The following AGBL4 variants were observed in gnomAD, a reference collection of about 807,000 sequenced individuals.
AGBL4 encodes cytosolic carboxypeptidase 6.
Under a neutral mutation model 66.4 loss-of-function variants are expected in AGBL4, and 58 were observed. The ratio of observed to expected loss-of-function variants is 0.87; its 90% CI spans 0.71 to 1.09. The LOEUF is 1.09. Among genes scored for constraint, AGBL4 ranks in the 50% least tolerant of loss-of-function variants. The probability of loss-of-function intolerance (pLI) is 0.00; values close to 1 mark genes in which losing one functional copy is unlikely to be tolerated. For synonymous variants in AGBL4, 234 were observed against 222.9 expected (o/e 1.05, Z -0.44); for missense variants, 579 against 631.0 (o/e 0.92, Z 0.88).
intron 6 of AGBL4, among the ~76,000 whole-genome samples, chr1:48,780,809 T>C (rs999026872): frequency 6.6e-6 from 1 of 152,154 alleles, no homozygotes; most frequent in South Asian, 2.1e-4. Flanking sequence ...ATGTAAGACC[T>C]AAAACCATAA....
intron 4 of AGBL4, among the ~76,000 whole-genome samples, chr1:49,242,681 A>T (rs1361575557): frequency 6.6e-6 from 1 of 151,872 alleles, no homozygotes; most frequent in Non-Finnish European, 1.5e-5. Flanking sequence ...CCTAACCACA[A>T]TCCTTAAGAA....
chr1:49,837,128 G>A (rs1645871865), intron 2 of AGBL4, among the ~76,000 whole-genome samples: 1 of 152,224 alleles, frequency 6.6e-6, no homozygotes, highest in African/African-American at 2.4e-5. Flanking sequence ...AAGCAGGAAC[G>A]TTTGAGTCTG....
At chr1:49,066,049 A>C (rs530579226) in intron 4 of AGBL4, among the ~76,000 whole-genome samples, 1 of 152,210 alleles carries the variant, frequency 6.6e-6, no homozygotes, top group Non-Finnish European at 1.5e-5. Context: ...GTAAGGGGAA[A>C]AAGAAGAGGA....
At chr1:48,963,368 T>G (rs745734470) in intron 5 of AGBL4, among the ~76,000 whole-genome samples, 1 of 152,098 alleles carries the variant, frequency 6.6e-6, no homozygotes, top group Non-Finnish European at 1.5e-5. Flanking sequence ...ATTCAAACTA[T>G]AGCACTCCTT....
intron 5 of AGBL4, among the ~76,000 whole-genome samples, chr1:48,980,366 C>T (rs545663097): frequency 4.9e-4 from 74 of 152,138 alleles, no homozygotes; most frequent in African/African-American, 1.4e-3. Flanking sequence ...GGAAAAATTC[C>T]CAACAGCCTC....
At chr1:49,814,475 C>T (rs1037370589) in intron 2 of AGBL4, among the ~76,000 whole-genome samples, 1 of 151,984 alleles carries the variant, frequency 6.6e-6, no homozygotes, top group Non-Finnish European at 1.5e-5. Flanking sequence ...GTTGCCATTG[C>T]CTAGGACAGA....
intron 11 of AGBL4, among the ~76,000 whole-genome samples, chr1:48,560,295 T>C (rs1329105700): frequency 6.6e-6 from 1 of 152,212 alleles, no homozygotes; most frequent in Non-Finnish European, 1.5e-5. Context: ...AGGTTCAAAC[T>C]AGTACTTGAG....
chr1:48,982,772 G>A (rs1380014634), intron 5 of AGBL4, among the ~76,000 whole-genome samples: 1 of 152,078 alleles, frequency 6.6e-6, no homozygotes, highest in African/African-American at 2.4e-5. Flanking sequence ...CTGAGGAATT[G>A]CCACACTGAC....
intron 3 of AGBL4, among the ~76,000 whole-genome samples, chr1:49,473,378 A>C (rs1206652469): frequency 1.3e-5 from 2 of 152,042 alleles, no homozygotes; most frequent in African/African-American, 4.8e-5. Flanking sequence ...TTTGATTTGT[A>C]TCTGTTTGAT....
chr1:48,991,887 C>T (rs1452331592), intron 5 of AGBL4, among the ~76,000 whole-genome samples: 2 of 151,884 alleles, frequency 1.3e-5, no homozygotes, highest in African/African-American at 4.8e-5. Context: ...TTCTTAATTC[C>T]TTGTCTGTGT....
chr1:49,017,573 C>A (rs957580887), intron 5 of AGBL4, among the ~76,000 whole-genome samples: 5 of 152,154 alleles, frequency 3.3e-5, no homozygotes, highest in Non-Finnish European at 7.3e-5. Context: ...TCTCTATCTA[C>A]TTCCAAAAAA....
At chr1:49,358,433 T>G (rs1426195382) in intron 3 of AGBL4, among the ~76,000 whole-genome samples, 2 of 151,948 alleles carry the variant, frequency 1.3e-5, no homozygotes, top group African/African-American at 2.4e-5. Context: ...TAACTTTGAG[T>G]TGGTCTGGTG....
At position 48,905,985 on chromosome 1, in the gene AGBL4, T is replaced by C. The variant is rs569095977; in HGVS notation, c.595-38755A>G. On this transcript the variant is annotated intron_variant, in intron 5 of 13. Transcript: ENST00000371839. ...AATTCCTTCCCCCCATGGAGCTTAC[T>C]TTTAAATGAAGGAAACAGACAATAA... 1.4e-3 allele frequency among the ~76,000 whole-genome samples: 208 copies of C among 152,344 alleles called. 1 individual carries two copies. The highest frequency in any genetic ancestry group is 7.5e-3 in the Admixed American group (114 of 15,302).
chr1:49,829,653 CA>C (rs1645605169), intron 2 of AGBL4, among the ~76,000 whole-genome samples: 1 of 152,016 alleles, frequency 6.6e-6, no homozygotes, highest in African/African-American at 2.4e-5. Context: ...TTCCGGAAAA[CA>C]TGTGCGGAAC....
intron 2 of AGBL4, chr1:49,844,678 T>C: frequency 6.3e-7 from 1 of 1,584,930 alleles, no homozygotes; most frequent in Non-Finnish European, 8.6e-7. Flanking sequence ...TTTCCAGTTT[T>C]TGCTTCTTTC....
At chr1:49,071,762 A>C (rs1020539458) in intron 4 of AGBL4, among the ~76,000 whole-genome samples, 1 of 151,872 alleles carries the variant, frequency 6.6e-6, no homozygotes, top group Non-Finnish European at 1.5e-5. Flanking sequence ...TATTAGGTCC[A>C]CTTGGTCCAA....
intron 11 of AGBL4, among the ~76,000 whole-genome samples, chr1:48,561,610 C>T (rs905935648): frequency 5.3e-5 from 8 of 152,202 alleles, no homozygotes; most frequent in African/African-American, 1.9e-4. Context: ...TAGACTTAGT[C>T]AAGGAGATTG....
chr1:49,366,298 G>GTGAA (rs983451944), intron 3 of AGBL4, among the ~76,000 whole-genome samples: 1 of 152,138 alleles, frequency 6.6e-6, no homozygotes, highest in African/African-American at 2.4e-5. Context: ...TGACAGAATG[G>GTGAA]TGAATGAATG....
intron 2 of AGBL4, among the ~76,000 whole-genome samples, chr1:49,774,741 C>T (rs1403947289): frequency 2.6e-5 from 4 of 152,094 alleles, no homozygotes; most frequent in African/African-American, 4.8e-5. Context: ...ACAGGTTATG[C>T]AAAATCCAGT....
Sources: gnomAD v4.1 joint callset for allele counts (sites outside exome capture counted in the v4.1 genomes callset) on GRCh38, gnomAD v4.1.1 for gene constraint, MANE v1.5 for transcripts, NCBI Gene and HGNC (gene_info 2026-07-23, HGNC 2026-07-21) for gene names.